Variants in GALNT13 observed in about 807,000 individuals in gnomAD.
The protein encoded by GALNT13 is polypeptide N-acetylgalactosaminyltransferase 13.
Under a neutral mutation model 64.2 loss-of-function variants are expected in GALNT13, and 28 were observed. The observed-to-expected ratio is 0.44, with a 90% CI of 0.32 to 0.60. The LOEUF (loss-of-function observed/expected upper bound fraction) is 0.60, where lower values mean the gene tolerates loss of function less well. Among genes scored for constraint, GALNT13 ranks in the 20% least tolerant of loss-of-function variants. The pLI is 0.05. For missense variants in GALNT13, 577 were observed against 669.8 expected (o/e 0.86, Z 1.53); for synonymous variants, 214 against 224.6 (o/e 0.95, Z 0.42).
upstream of GALNT13, among the ~76,000 whole-genome samples, chr2:153,868,299 C>T (rs1685798942): frequency 6.6e-6 from 1 of 152,130 alleles, no homozygotes; most frequent in Non-Finnish European, 1.5e-5. Context: ...CAGTGCTTAG[C>T]TCATTGTAAG....
intron 9 of GALNT13, among the ~76,000 whole-genome samples, chr2:154,382,572 G>A (rs1698322034): frequency 6.6e-6 from 1 of 152,028 alleles, no homozygotes; most frequent in African/African-American, 2.4e-5. Flanking sequence ...GAAGTCATAT[G>A]TCAAACTCAT....
At chr2:154,159,514 A>G (rs1413634212) in intron 4 of GALNT13, among the ~76,000 whole-genome samples, 1 of 152,184 alleles carries the variant, frequency 6.6e-6, no homozygotes, top group Non-Finnish European at 1.5e-5. Context: ...TTTATAAATT[A>G]ATAAATGATG....
At chr2:154,169,355 A>G (rs1685225545) in intron 4 of GALNT13, among the ~76,000 whole-genome samples, 1 of 152,220 alleles carries the variant, frequency 6.6e-6, no homozygotes, top group Admixed American at 6.5e-5. Context: ...AAGTAGTCTC[A>G]TTATGGCTGA....
the GALNT13 span, among the ~76,000 whole-genome samples, chr2:153,177,935 AG>A: frequency 1.1e-4 from 17 of 152,284 alleles, no homozygotes; most frequent in African/African-American, 4.1e-4. Context: ...AGTTTATTTT[AG>A]AACCCTCATA....
intron 2 of GALNT13, among the ~76,000 whole-genome samples, chr2:153,907,114 T>C (rs1688618690): frequency 6.6e-6 from 1 of 151,966 alleles, no homozygotes; most frequent in Admixed American, 6.6e-5. Flanking sequence ...TCTTGTAAAT[T>C]TGTTTGAGTT....
chr2:153,654,706 G>T, the GALNT13 span, among the ~76,000 whole-genome samples: 3 of 151,910 alleles, frequency 2.0e-5, no homozygotes, highest in African/African-American at 7.2e-5. Context: ...TATTCACATG[G>T]TATTCATTAT....
chr2:154,364,955 A>G (rs1011518823), intron 9 of GALNT13, among the ~76,000 whole-genome samples: 2 of 152,212 alleles, frequency 1.3e-5, no homozygotes, highest in African/African-American at 4.8e-5. Context: ...TACAGGCGTA[A>G]GCCACTTCAC....
chr2:153,071,006 A>G, the GALNT13 span, among the ~76,000 whole-genome samples: 60,166 of 151,992 alleles, frequency 0.4, 12,139 homozygotes, highest in Non-Finnish European at 0.43. Flanking sequence ...TATTTAGCCT[A>G]TAGGCATTTT....
chr2:153,323,338 GT>G, the GALNT13 span, among the ~76,000 whole-genome samples: 10 of 150,104 alleles, frequency 6.7e-5, no homozygotes, highest in South Asian at 2.1e-4. Flanking sequence ...TTTTGATAGG[GT>G]TTTTTTTTCT....
chr2:153,696,165 G>A, the GALNT13 span, among the ~76,000 whole-genome samples: 6 of 152,144 alleles, frequency 3.9e-5, no homozygotes, highest in Admixed American at 2.6e-4. Context: ...CCTTCAGTCT[G>A]TCGCCAAAGG....
chr2:154,360,993 A>G (rs1051306867), intron 9 of GALNT13, among the ~76,000 whole-genome samples: 1 of 152,110 alleles, frequency 6.6e-6, no homozygotes, highest in Non-Finnish European at 1.5e-5. Flanking sequence ...AAATGAAAAT[A>G]CAAAACACAA....
the GALNT13 span, among the ~76,000 whole-genome samples, chr2:153,780,401 T>C: frequency 6.6e-6 from 1 of 151,988 alleles, no homozygotes; most frequent in South Asian, 2.1e-4. Flanking sequence ...CTGTTCTCCG[T>C]AATCACATCA....
chr2:154,413,020 A>G (rs1699859422), intron 11 of GALNT13, among the ~76,000 whole-genome samples: 1 of 151,932 alleles, frequency 6.6e-6, no homozygotes, highest in African/African-American at 2.4e-5. Flanking sequence ...TTACTGAAAT[A>G]AAGTATAGCA....
At chr2:153,538,206 C>T in the GALNT13 span, among the ~76,000 whole-genome samples, 23 of 151,638 alleles carry the variant, frequency 1.5e-4, no homozygotes, top group African/African-American at 5.3e-4. Context: ...TCTTGCTATG[C>T]TTTAGCAAAG....
At chr2:153,491,806 A>T in the GALNT13 span, among the ~76,000 whole-genome samples, 25 of 151,958 alleles carry the variant, frequency 1.6e-4, no homozygotes, top group Non-Finnish European at 3.1e-4. Flanking sequence ...TTTTCAGTAG[A>T]GACAGGGTTT....
At chr2:153,106,151 A>T in the GALNT13 span, among the ~76,000 whole-genome samples, 2 of 152,194 alleles carry the variant, frequency 1.3e-5, no homozygotes, top group Non-Finnish European at 2.9e-5. Flanking sequence ...TACTTTTGAC[A>T]GTTGAGCTCT....
chr2:154,078,670 G>T (rs568721744), intron 3 of GALNT13, among the ~76,000 whole-genome samples: 1 of 151,504 alleles, frequency 6.6e-6, no homozygotes, highest in Admixed American at 6.6e-5. Flanking sequence ...TTGAGGATGG[G>T]GGTCATAATT....
chr2:153,389,992 C>T, the GALNT13 span, among the ~76,000 whole-genome samples: 3 of 152,188 alleles, frequency 2.0e-5, no homozygotes, highest in South Asian at 4.2e-4. Context: ...AATCATTCTA[C>T]GATAAAGACA....
intron 4 of GALNT13, among the ~76,000 whole-genome samples, chr2:154,193,768 G>A (rs1343255262): frequency 6.6e-6 from 1 of 152,184 alleles, no homozygotes; most frequent in Non-Finnish European, 1.5e-5. Flanking sequence ...AGCTTCTTGG[G>A]TTTTAATACC....
Sources: allele counts gnomAD v4.1 joint callset (sites outside exome capture counted in the v4.1 genomes callset), GRCh38; gene constraint gnomAD v4.1.1; transcripts MANE v1.5; gene names NCBI Gene and HGNC (gene_info 2026-07-23, HGNC 2026-07-21).